The following SLC25A37 variants were observed in gnomAD, a reference collection of about 807,000 sequenced individuals.
SLC25A37 encodes mitoferrin-1.
In SLC25A37, 17 loss-of-function variants were observed where a neutral mutation model predicts 31.0. That is an observed-to-expected ratio of 0.55 (90% CI 0.38 to 0.82). The LOEUF (loss-of-function observed/expected upper bound fraction) is 0.82, where lower values mean the gene tolerates loss of function less well. SLC25A37 is among the 40% of genes least tolerant of loss of function. The pLI, the probability that SLC25A37 is intolerant of heterozygous loss-of-function variation, is 0.00. For missense variants in SLC25A37, 404 were observed against 465.8 expected, an observed-to-expected ratio of 0.87 and a Z score of 1.22; for synonymous variants, 222 against 193.0, an observed-to-expected ratio of 1.15 and a Z score of -1.24.
intron 1 of SLC25A37, among the ~76,000 whole-genome samples, chr8:23,551,563 T>C (rs1217707205): frequency 6.6e-6 from 1 of 151,768 alleles, no homozygotes. Context: ...ATGACGTCTT[T>C]TTTGCTGTTT....
At chr8:23,544,448 C>T (rs1223342402) in intron 1 of SLC25A37, among the ~76,000 whole-genome samples, 1 of 152,172 alleles carries the variant, frequency 6.6e-6, no homozygotes, top group Non-Finnish European at 1.5e-5. Context: ...TGGGGTATGA[C>T]TGTGGGTGCT....
At chr8:23,539,569 G>A (rs10107859) in intron 1 of SLC25A37, among the ~76,000 whole-genome samples, 56,611 of 151,876 alleles carry the variant, frequency 0.37, 12,169 homozygotes, top group East Asian at 0.62. Flanking sequence ...GGCGGGGTGT[G>A]GGCCCCGTGA....
chr8:23,568,118 G>A, intron 2 of SLC25A37: 2 of 662,840 alleles, frequency 3.0e-6, no homozygotes, highest in Admixed American at 2.1e-5. Context: ...ATGTGGTTGA[G>A]TGTGCCTAAA....
At chr8:23,548,597 A>C (rs1246727337) in intron 1 of SLC25A37, among the ~76,000 whole-genome samples, 1 of 151,392 alleles carries the variant, frequency 6.6e-6, no homozygotes, top group African/African-American at 2.4e-5. Context: ...CAGCCTCCCA[A>C]GTAGCTGGGA....
At chr8:23,534,718 T>C (rs1344982722) in intron 1 of SLC25A37, among the ~76,000 whole-genome samples, 1 of 152,180 alleles carries the variant, frequency 6.6e-6, no homozygotes, top group East Asian at 1.9e-4. Context: ...GCTATTTCCC[T>C]ATCTGTAAAA....
In SLC25A37 at chr8:23,573,699, G is replaced by A; in HGVS notation, c.*1844G>A. The A allele has an allele frequency of 2.3e-6, 1 of 433,898 alleles. No individual in the cohort carries two copies. 26.9% of individuals were successfully genotyped at this position (433,898 alleles called of 1,614,324 possible). A position where few individuals can be genotyped will look rare whatever the true frequency, so the allele number is the denominator to read the frequency against. ...TCAGTGGAGTTCCTTTTTCAGATCA[G>A]GGATGGGAAAGAGCCAAACTGGGTA... On this transcript the variant is annotated 3_prime_UTR_variant, in exon 4 of 4. Coordinates refer to ENST00000519973, the MANE Select transcript of SLC25A37 (RefSeq NM_016612.4).
intron 1 of SLC25A37, among the ~76,000 whole-genome samples, chr8:23,544,085 C>G (rs1252788977): frequency 1.3e-5 from 2 of 152,110 alleles, no homozygotes; most frequent in Admixed American, 6.5e-5. Context: ...GTCTCGAACT[C>G]CCAACCTCAA....
chr8:23,568,499 C>A, intron 3 of SLC25A37, 121 bp downstream of exon 3: 1 of 1,085,862 alleles, frequency 9.2e-7, no homozygotes, highest in Non-Finnish European at 1.4e-6. Context: ...CCAGTCAGAG[C>A]AGACAGGAGA....
intron 1 of SLC25A37, among the ~76,000 whole-genome samples, chr8:23,546,869 A>G (rs1026585199): frequency 4.0e-5 from 6 of 151,710 alleles, no homozygotes; most frequent in Non-Finnish European, 8.8e-5. Flanking sequence ...TAGAACTGTA[A>G]TTTGCTATTA....
At chr8:23,566,900 C>A in intron 2 of SLC25A37, 1 of 832,928 alleles carries the variant, frequency 1.2e-6, no homozygotes, top group Non-Finnish European at 1.4e-6. Flanking sequence ...GGAATTTTAC[C>A]CCCATTCTCT....
In SLC25A37 at chr8:23,566,150, A is replaced by C; in HGVS notation, c.253A>C (p.Thr85Pro). The C allele has an allele frequency of 6.2e-7, 1 of 1,603,678 alleles. No homozygotes were observed. The highest frequency in any genetic ancestry group is 8.5e-7 in the Non-Finnish European group (1 of 1,176,816). ...SLSPDPKAQY[T>P]SIYGALKKIM... Reference sequence around the variant, plus strand: ...GAGTCCAGATCCCAAAGCCCAGTACACAAGTATCTACGGAGCCCTCAAGAA... The same window carrying C: ...GAGTCCAGATCCCAAAGCCCAGTACCCAAGTATCTACGGAGCCCTCAAGAA... Residue 85 changes from threonine (T) to proline (P), a missense_variant, in exon 2 of 4, where the codon ACA (threonine) becomes CCA (proline). By Grantham distance (38) the Thr-to-Pro change is conservative. Transcript: ENST00000519973.
chr8:23,536,152 C>T (rs929806563), intron 1 of SLC25A37, among the ~76,000 whole-genome samples: 1 of 152,162 alleles, frequency 6.6e-6, no homozygotes, highest in Non-Finnish European at 1.5e-5. Context: ...AGGCTTCCTG[C>T]TCCATTGAGT....
chr8:23,548,734 T>G (rs1043909820), intron 1 of SLC25A37, among the ~76,000 whole-genome samples: 7 of 152,118 alleles, frequency 4.6e-5, no homozygotes, highest in Non-Finnish European at 1.0e-4. Context: ...CCTCCTAAAG[T>G]GCTGGGATTA....
intron 1 of SLC25A37, among the ~76,000 whole-genome samples, chr8:23,549,862 C>A (rs1007333781): frequency 7.2e-6 from 1 of 138,452 alleles, no homozygotes; most frequent in African/African-American, 3.2e-5. Context: ...GGGCCCCAGA[C>A]TGTGGCCAGG....
At position 23,532,260 on chromosome 8, in the gene SLC25A37, C is replaced by G. The variant is rs549189753; in HGVS notation, c.210+3048C>G. Among the ~76,000 whole-genome samples the G allele has an allele frequency of 2.6e-5, 4 of 152,310 alleles. No individual in the cohort carries two copies. In the East Asian group the frequency reaches 7.7e-4, roughly 29 times the overall value. On this transcript the variant is annotated intron_variant, in intron 1 of 3. Transcript: ENST00000519973. ...CCATAAAGGGCCAGTCTACTGGGAC[C>G]TTTGGCTGCCCCTGCGATGACAGTG... is the stretch of plus-strand genomic sequence containing the variant.
intron 1 of SLC25A37, among the ~76,000 whole-genome samples, chr8:23,564,650 C>T (rs1802603448): frequency 6.6e-6 from 1 of 152,070 alleles, no homozygotes; most frequent in Non-Finnish European, 1.5e-5. Flanking sequence ...AGTCAGAGTT[C>T]TCCAGAGAAA....
intron 1 of SLC25A37, among the ~76,000 whole-genome samples, chr8:23,534,364 C>T (rs983075911): frequency 2.6e-5 from 4 of 152,156 alleles, no homozygotes; most frequent in African/African-American, 9.7e-5. Context: ...GTTCAAATTC[C>T]AGTCTTTGAC....
intron 1 of SLC25A37, among the ~76,000 whole-genome samples, chr8:23,531,279 G>A (rs1301726315): frequency 6.6e-6 from 1 of 152,204 alleles, no homozygotes; most frequent in Non-Finnish European, 1.5e-5. Flanking sequence ...AAAGGCTTGG[G>A]GGAGACCACA....
rs1417404070 is a variant in SLC25A37 at position 23,571,429 on chromosome 8, C to A, written c.591C>A (p.Phe197Leu). The change falls in exon 4 of 4, where the codon TTC (phenylalanine) becomes TTA (leucine). Residue 197 changes from phenylalanine to leucine, a missense_variant. Physicochemically the swap from Phe to Leu is conservative, Grantham distance 22. Transcript: ENST00000519973. ...GGAGGACCGAGGGGTTGGGGGCCTTCTACCGGAGCTACACCACGCAGCTGA... is the reference window on the plus strand; with the variant it reads ...GGAGGACCGAGGGGTTGGGGGCCTTATACCGGAGCTACACCACGCAGCTGA... ...TVWRTEGLGA[F>L]YRSYTTQLTM... 6.2e-7 allele frequency: 1 copy of A among 1,614,022 alleles called. No individual in the cohort carries two copies. Among genetic ancestry groups the A allele is most frequent in the South Asian group, 1.1e-5 (1 of 91,088 alleles).
Sources: gnomAD v4.1 joint callset for allele counts (sites outside exome capture counted in the v4.1 genomes callset) on GRCh38, gnomAD v4.1.1 for gene constraint, MANE v1.5 for transcripts, NCBI Gene and HGNC (gene_info 2026-07-23, HGNC 2026-07-21) for gene names.